SAMMSON: variants seen among roughly 807,000 people sequenced by gnomAD.
The protein encoded by SAMMSON is long intergenic non-protein coding RNA 1212.
chr3:70,031,816 A>G (rs1011111380), intron 3 of SAMMSON, among the ~76,000 whole-genome samples: 1 of 152,184 alleles, frequency 6.6e-6, no homozygotes, highest in African/African-American at 2.4e-5. Flanking sequence ...AGAGTTTGTA[A>G]TGGCAGAGTG....
intron 9 of SAMMSON, among the ~76,000 whole-genome samples, chr3:70,371,302 T>A (rs1204470048): frequency 1.3e-5 from 2 of 152,112 alleles, no homozygotes; most frequent in African/African-American, 4.8e-5. Flanking sequence ...TTCCGGCTCT[T>A]TTTTGGTTCC....
intron 3 of SAMMSON, among the ~76,000 whole-genome samples, chr3:70,020,410 G>C (rs1331719674): frequency 6.6e-6 from 1 of 152,168 alleles, no homozygotes; most frequent in African/African-American, 2.4e-5. Flanking sequence ...TTATGCAAAT[G>C]CTCTGGATTT....
At chr3:70,167,592 C>T (rs1422615278) in intron 4 of SAMMSON, among the ~76,000 whole-genome samples, 1 of 151,860 alleles carries the variant, frequency 6.6e-6, no homozygotes. Context: ...GTACTCCTTT[C>T]AGCTACCTCC....
At chr3:70,266,442 CAG>C (rs1701917536) in intron 6 of SAMMSON, among the ~76,000 whole-genome samples, 1 of 151,666 alleles carries the variant, frequency 6.6e-6, no homozygotes, top group African/African-American at 2.4e-5. Context: ...TATTTAGAGA[CAG>C]GGTCTCATTT....
intron 6 of SAMMSON, among the ~76,000 whole-genome samples, chr3:70,289,700 T>G (rs1330270095): frequency 2.0e-5 from 3 of 152,198 alleles, no homozygotes; most frequent in African/African-American, 7.2e-5. Context: ...GGTACACCAA[T>G]CAGACCTAGA....
chr3:70,344,956 G>A (rs948697358), intron 7 of SAMMSON, among the ~76,000 whole-genome samples: 1 of 152,072 alleles, frequency 6.6e-6, no homozygotes, highest in Non-Finnish European at 1.5e-5. Flanking sequence ...GATGTTAATT[G>A]TATTAATTAT....
At chr3:70,082,391 C>T (rs769346275) in intron 4 of SAMMSON, among the ~76,000 whole-genome samples, 1 of 152,134 alleles carries the variant, frequency 6.6e-6, no homozygotes, top group Admixed American at 6.5e-5. Flanking sequence ...GGGTTCGGGG[C>T]AGTGTGTGTG....
At chr3:70,189,782 A>G (rs1407792207) in intron 4 of SAMMSON, among the ~76,000 whole-genome samples, 1 of 110,790 alleles carries the variant, frequency 9.0e-6, no homozygotes, top group Non-Finnish European at 2.1e-5. Context: ...CCTCTGATTT[A>G]AAGTTTGGGG....
intron 7 of SAMMSON, among the ~76,000 whole-genome samples, chr3:70,341,805 A>G (rs1702713184): frequency 6.6e-6 from 1 of 152,034 alleles, no homozygotes; most frequent in African/African-American, 2.4e-5. Flanking sequence ...TTCCTTGTTA[A>G]GACACAGTGT....
chr3:70,051,390 T>C (rs1217806812), intron 3 of SAMMSON, among the ~76,000 whole-genome samples: 2 of 147,726 alleles, frequency 1.4e-5, no homozygotes, highest in Non-Finnish European at 3.0e-5. Flanking sequence ...AGATTGGAAA[T>C]CATATATAAA....
chr3:70,114,086 A>G (rs1282079783), intron 4 of SAMMSON, among the ~76,000 whole-genome samples: 4 of 152,166 alleles, frequency 2.6e-5, no homozygotes, highest in Non-Finnish European at 4.4e-5. Context: ...GGAATTGACA[A>G]GTGGGTCAAA....
chr3:70,155,115 C>T (rs2067586723), intron 4 of SAMMSON, among the ~76,000 whole-genome samples: 1 of 151,684 alleles, frequency 6.6e-6, no homozygotes, highest in African/African-American at 2.4e-5. Flanking sequence ...TTTCTTTTCT[C>T]TCAAAATGCT....
intron 4 of SAMMSON, among the ~76,000 whole-genome samples, chr3:70,104,988 TA>T (rs994146852): frequency 2.6e-5 from 4 of 151,960 alleles, no homozygotes; most frequent in South Asian, 4.1e-4. Context: ...GGGAAAGCAG[TA>T]AAAAAAATCA....
At chr3:70,004,799 G>T (rs962477162) in intron 1 of SAMMSON, among the ~76,000 whole-genome samples, 2 of 152,162 alleles carry the variant, frequency 1.3e-5, no homozygotes, top group African/African-American at 4.8e-5. Context: ...TGTGGAGAAC[G>T]TTATCTATTA....
intron 4 of SAMMSON, among the ~76,000 whole-genome samples, chr3:70,121,406 C>G (rs986301319): frequency 2.6e-5 from 4 of 152,038 alleles, no homozygotes; most frequent in Non-Finnish European, 4.4e-5. Context: ...AACTCTCCAT[C>G]AGTTGAAATG....
chr3:70,423,634 A>G (rs1701330599), intron 2 of SAMMSON, among the ~76,000 whole-genome samples: 1 of 152,166 alleles, frequency 6.6e-6, no homozygotes. Flanking sequence ...TTATTTTTAC[A>G]TTAAGTAATT....
chr3:70,091,923 G>C (rs2067306369), intron 4 of SAMMSON, among the ~76,000 whole-genome samples: 1 of 152,170 alleles, frequency 6.6e-6, no homozygotes, highest in Non-Finnish European at 1.5e-5. Flanking sequence ...TGGAACCCCT[G>C]TCTGCCTTCT....
intron 4 of SAMMSON, among the ~76,000 whole-genome samples, chr3:70,123,862 T>C (rs2067444960): frequency 6.6e-6 from 1 of 152,204 alleles, no homozygotes; most frequent in Non-Finnish European, 1.5e-5. Flanking sequence ...GGATTCCCTT[T>C]CCAGAATCAT....
intron 2 of SAMMSON, among the ~76,000 whole-genome samples, chr3:70,433,206 G>A (rs892430867): frequency 1.3e-5 from 2 of 152,106 alleles, no homozygotes; most frequent in Non-Finnish European, 2.9e-5. Context: ...TATATAATAA[G>A]GGTATGTTTA....
Sources: allele counts gnomAD v4.1 joint callset (sites outside exome capture counted in the v4.1 genomes callset), GRCh38; gene constraint gnomAD v4.1.1; transcripts MANE v1.5; gene names NCBI Gene and HGNC (gene_info 2026-07-23, HGNC 2026-07-21).